Variants in TSPAN18 observed in about 807,000 individuals in gnomAD.
TSPAN18 encodes the protein tetraspanin-18.
TSPAN18 carries 14 observed loss-of-function variants against 27.3 expected under a neutral mutation model. The ratio of observed to expected loss-of-function variants is 0.51; its 90% CI spans 0.34 to 0.80. The LOEUF is 0.80. Ranked by LOEUF, TSPAN18 falls within the 30% of genes least tolerant of loss-of-function variation. The probability of loss-of-function intolerance (pLI) is 0.01; values close to 1 mark genes in which losing one functional copy is unlikely to be tolerated. For synonymous variants in TSPAN18, 143 were observed against 136.5 expected (o/e 1.05, Z -0.33); for missense variants, 268 against 323.9 (o/e 0.83, Z 1.32).
intron 2 of TSPAN18, among the ~76,000 whole-genome samples, chr11:44,801,529 A>G (rs1228649866): frequency 6.6e-6 from 1 of 152,236 alleles, no homozygotes; most frequent in East Asian, 1.9e-4. Flanking sequence ...CAGAGAAACC[A>G]CACTAGTTTC....
chr11:44,877,242 C>T (rs1168443583), intron 3 of TSPAN18, among the ~76,000 whole-genome samples: 1 of 152,224 alleles, frequency 6.6e-6, no homozygotes, highest in Admixed American at 6.5e-5. Flanking sequence ...GGCGGGAGCC[C>T]GATGACATTG....
intron 3 of TSPAN18, among the ~76,000 whole-genome samples, chr11:44,895,854 G>A (rs1421772377): frequency 1.3e-5 from 2 of 152,166 alleles, no homozygotes; most frequent in African/African-American, 4.8e-5. Context: ...GAAGCGGCAG[G>A]AAACCCATCA....
At position 44,906,472 on chromosome 11, in the gene TSPAN18, T is replaced by C. The variant is rs752982591; in HGVS notation, c.56T>C (p.Phe19Ser). The stretch of plus-strand genomic sequence containing the variant: ...TATCTGATGTTTGTATTCAATTTCT[T>C]CATATTTGTAAGTATTCCTGGGTCT... ...MKYLMFVFNF[F>S]IFLGGACLLA... Residue 19 changes from phenylalanine (F) to serine (S), a missense_variant, in exon 4 of 10, where the codon TTC (phenylalanine) becomes TCC (serine). Physicochemically the swap from Phe to Ser is radical, Grantham distance 155. Coordinates refer to ENST00000520358, the MANE Select transcript of TSPAN18 (RefSeq NM_130783.5). 1.9e-6 allele frequency: 3 copies of C among 1,614,078 alleles called. No homozygotes were observed. Among genetic ancestry groups the C allele is most frequent in the Non-Finnish European group, 2.5e-6 (3 of 1,179,922 alleles).
At chr11:44,832,714 T>C (rs1857181680) in intron 2 of TSPAN18, among the ~76,000 whole-genome samples, 1 of 152,170 alleles carries the variant, frequency 6.6e-6, no homozygotes, top group Non-Finnish European at 1.5e-5. Flanking sequence ...TGTTCCTCCT[T>C]CTTCGATCCT....
chr11:44,903,935 TGA>T, intron 3 of TSPAN18: 1 of 452,912 alleles, frequency 2.2e-6, no homozygotes, highest in Non-Finnish European at 4.5e-6. Context: ...TGGGTTGTTA[TGA>T]GTTAGTAAAT....
chr11:44,841,732 G>C (rs191305915), intron 2 of TSPAN18, among the ~76,000 whole-genome samples: 1 of 152,286 alleles, frequency 6.6e-6, no homozygotes, highest in East Asian at 1.9e-4. Context: ...CCTGGGACAG[G>C]AATAGATTTG....
At chr11:44,916,495 A>C (rs1859914777) in intron 5 of TSPAN18, among the ~76,000 whole-genome samples, 1 of 152,156 alleles carries the variant, frequency 6.6e-6, no homozygotes, top group Non-Finnish European at 1.5e-5. Flanking sequence ...CCCAATGCCA[A>C]GCTCTGCTTG....
intron 2 of TSPAN18, among the ~76,000 whole-genome samples, chr11:44,849,124 G>T (rs1439055021): frequency 6.6e-6 from 1 of 152,188 alleles, no homozygotes; most frequent in Non-Finnish European, 1.5e-5. Flanking sequence ...TTACATTAGA[G>T]GCTACGGGTG....
At chr11:44,726,700 G>C (rs1402505617), upstream of TSPAN18, 5 of 152,114 alleles carry the variant, frequency 3.3e-5, no homozygotes, top group Admixed American at 1.3e-4. Flanking sequence ...CCCGCGAGCA[G>C]AGCGGGAGGT....
intron 2 of TSPAN18, among the ~76,000 whole-genome samples, chr11:44,791,126 C>T (rs1021555137): frequency 2.0e-5 from 3 of 152,274 alleles, no homozygotes; most frequent in South Asian, 2.1e-4. Flanking sequence ...CGAGAGACCC[C>T]GTTCCCTCTG....
intron 2 of TSPAN18, among the ~76,000 whole-genome samples, chr11:44,810,833 T>C (rs574163456): frequency 6.6e-6 from 1 of 152,184 alleles, no homozygotes; most frequent in Non-Finnish European, 1.5e-5. Context: ...AGTCTCGAAC[T>C]CCTGGGCTCA....
chr11:44,780,711 GT>G (rs1202603866), intron 2 of TSPAN18, among the ~76,000 whole-genome samples: 1 of 152,224 alleles, frequency 6.6e-6, no homozygotes, highest in East Asian at 1.9e-4. Context: ...CCTTGGCTAT[GT>G]CATGTCACCC....
At chr11:44,889,390 C>T (rs1590634389) in intron 3 of TSPAN18, among the ~76,000 whole-genome samples, 1 of 152,352 alleles carries the variant, frequency 6.6e-6, no homozygotes, top group Admixed American at 6.5e-5. Context: ...ACATTCCATT[C>T]CCCACCACAA....
At chr11:44,737,761 A>G (rs540949856) in intron 1 of TSPAN18, among the ~76,000 whole-genome samples, 1 of 152,202 alleles carries the variant, frequency 6.6e-6, no homozygotes, top group African/African-American at 2.4e-5. Context: ...CCTCTTCTGC[A>G]GCCCATCTGC....
chr11:44,742,081 TG>T (rs1854950793), intron 1 of TSPAN18, among the ~76,000 whole-genome samples: 1 of 152,212 alleles, frequency 6.6e-6, no homozygotes, highest in African/African-American at 2.4e-5. Flanking sequence ...GCTGCAGCTA[TG>T]GAATCGGGTA....
At chr11:44,874,355 GCCTCTGGGCAAAACCTC>G (rs1272170531) in intron 3 of TSPAN18, among the ~76,000 whole-genome samples, 1 of 152,192 alleles carries the variant, frequency 6.6e-6, no homozygotes, top group Non-Finnish European at 1.5e-5. Flanking sequence ...TTGTGCCTTT[GCCTCTGGGCAAAACCTC>G]CCTCTTCTAC....
chr11:44,797,390 G>A (rs928415709), intron 2 of TSPAN18, among the ~76,000 whole-genome samples: 11 of 152,142 alleles, frequency 7.2e-5, no homozygotes, highest in Non-Finnish European at 1.5e-4. Context: ...GTGGGTGAGG[G>A]AATGAGAGGG....
chr11:44,830,929 A>C (rs894107529), intron 2 of TSPAN18, among the ~76,000 whole-genome samples: 8 of 152,170 alleles, frequency 5.3e-5, no homozygotes, highest in Non-Finnish European at 1.0e-4. Flanking sequence ...GAAAATTACC[A>C]AGCTAATTCA....
intron 2 of TSPAN18, among the ~76,000 whole-genome samples, chr11:44,808,870 G>C (rs768651651): frequency 3.4e-4 from 51 of 152,122 alleles, no homozygotes; most frequent in Non-Finnish European, 3.1e-4. Flanking sequence ...ACAGGCCTGT[G>C]TTAGTTTGGC....
Sources: gnomAD v4.1 joint callset for allele counts (sites outside exome capture counted in the v4.1 genomes callset) on GRCh38, gnomAD v4.1.1 for gene constraint, MANE v1.5 for transcripts, NCBI Gene and HGNC (gene_info 2026-07-23, HGNC 2026-07-21) for gene names.